The following RAP1GAP2 variants were observed in gnomAD, a reference collection of about 807,000 sequenced individuals.
RAP1GAP2 encodes RAP1 GTPase activating protein 2.
RAP1GAP2 carries 27 observed loss-of-function variants against 95.0 expected under a neutral mutation model. The ratio of observed to expected loss-of-function variants is 0.28; its 90% confidence interval spans 0.21 to 0.39. The LOEUF is 0.39. Among genes scored for constraint, RAP1GAP2 ranks in the 10% least tolerant of loss-of-function variants. RAP1GAP2 has a pLI of 1.00. For synonymous variants in RAP1GAP2, 373 were observed against 380.9 expected (o/e 0.98, Z 0.24); for missense variants, 771 against 970.0 (o/e 0.79, Z 2.72).
Position 3,027,470 on chromosome 17 carries a change from C to A in RAP1GAP2, c.2107+400C>A, listed in dbSNP as rs187615218. Among the ~76,000 whole-genome samples the A allele has an allele frequency of 6.6e-6, 1 of 152,014 alleles. No individual in the cohort carries two copies. The highest frequency in any genetic ancestry group is 2.4e-5 in the African/African-American group (1 of 41,458). ...TGTCGGGGGTCTTGATAATACAAGA[C>A]GGGGGAAGGGCTGCAGGGGGAGGGA... On this transcript the variant is annotated intron_variant, in intron 22 of 24. Transcript: ENST00000254695. The surrounding 1 kb of genome is among the most constrained non-coding windows in gnomAD (Gnocchi z 5.2).
In RAP1GAP2 at chr17:3,032,415, A is replaced by C. The variant is rs1297481886; in HGVS notation, c.2189A>C (p.His730Pro). The C allele has an allele frequency of 6.2e-7, 1 of 1,613,950 alleles. No individual in the cohort carries two copies. Among genetic ancestry groups the C allele is most frequent in the Admixed American group, 1.7e-5 (1 of 60,026 alleles). ...TATGGATTTTTGTTGAAACAGGGTCACTAATGTGAAAGTGGAGTCCTTCGC... is the reference window on the plus strand; with the variant it reads ...TATGGATTTTTGTTGAAACAGGGTCCCTAATGTGAAAGTGGAGTCCTTCGC... ...KLSHASSGAG[H>P] The change falls in exon 24 of 25, where the codon CAC becomes CCC. Residue 730 changes from histidine (H) to proline (P), a missense_variant. Transcript: ENST00000254695.
rs779031368 is a variant in RAP1GAP2 at position 2,963,336 on chromosome 17, C to G, written c.247-94C>G. On this transcript the variant is annotated intron_variant, in intron 5 of 24. Coordinates refer to ENST00000254695, the MANE Select transcript of RAP1GAP2 (RefSeq NM_015085.5). The surrounding 1 kb of genome is among the most constrained non-coding windows in gnomAD (Gnocchi z 4.8). ...GAATGTTCCTCCCTCAAAGCCCCCC[C>G]ACAACATATCCCCCTTGCAAGACCT... 1.0e-5 allele frequency: 15 copies of G among 1,434,400 alleles called. No individual in the cohort carries two copies. The highest frequency in any genetic ancestry group is 3.4e-5 in the South Asian group (3 of 87,122). 88.9% of individuals were successfully genotyped at this position (1,434,400 alleles called of 1,614,324 possible).
chr17:2,953,834 C>T (rs184970520), intron 3 of RAP1GAP2, among the ~76,000 whole-genome samples: 4 of 152,020 alleles, frequency 2.6e-5, no homozygotes, highest in East Asian at 3.9e-4. Flanking sequence ...GTGAAAAGAG[C>T]GAAACTCCAT....
chr17:2,858,393 G>A (rs373325913), intron 2 of RAP1GAP2, among the ~76,000 whole-genome samples: 3 of 151,972 alleles, frequency 2.0e-5, no homozygotes, highest in Non-Finnish European at 2.9e-5. Flanking sequence ...AAAGCCTATC[G>A]CAATTCTTGT....
At chr17:2,830,699 A>T (rs2070791729) in intron 2 of RAP1GAP2, among the ~76,000 whole-genome samples, 1 of 152,088 alleles carries the variant, frequency 6.6e-6, no homozygotes, top group Non-Finnish European at 1.5e-5. Flanking sequence ...GGGCGACAGA[A>T]TGAGACTCTG....
rs573000970 is a variant in RAP1GAP2, at chr17:3,027,622, C to G, written c.2107+552C>G. ...GAGCGTTGACAGGCTGGGTCAGCCC[C>G]GGGCCCCGGGTGAGGATTTTGTTCT... On this transcript the variant is annotated intron_variant, in intron 22 of 24. Transcript: ENST00000254695. This position sits in a 1 kb window ranked among gnomAD's most constrained non-coding sequence, Gnocchi z 5.2. Among the ~76,000 whole-genome samples the G allele has an allele frequency of 2.0e-5, 3 of 152,070 alleles. No individual in the cohort carries two copies. The highest frequency in any genetic ancestry group is 4.4e-5 in the Non-Finnish European group (3 of 68,018).
intron 22 of RAP1GAP2, among the ~76,000 whole-genome samples, chr17:3,030,510 G>A (rs191923400): frequency 1.7e-3 from 257 of 152,264 alleles, no homozygotes; most frequent in Non-Finnish European, 3.2e-3. Flanking sequence ...AGCTACTGAC[G>A]TGATGTCCTC....
chr17:2,982,980 C>T (rs2045423134), intron 10 of RAP1GAP2, among the ~76,000 whole-genome samples: 1 of 152,232 alleles, frequency 6.6e-6, no homozygotes, highest in African/African-American at 2.4e-5. Context: ...TGGTGCCTCT[C>T]CCTGGCAGGG....
chr17:2,981,203 T>C lies in RAP1GAP2; in HGVS notation c.684T>C (p.Cys228=), dbSNP rs2045344685. Residue 228 remains cysteine, a synonymous_variant, in exon 10 of 25, where the codon TGT becomes TGC. Transcript: ENST00000254695. ...TTCTTCTCCCTTCTCAGGCTTTCTG[T>C]GATGATGCAGTGGGACTGAGATTCA... The part of the protein sequence containing the change: ...PSVPQIAKAF[C]DDAVGLRFNP... 6.2e-7 allele frequency: 1 copy of C among 1,612,556 alleles called. No individual in the cohort carries two copies. Among genetic ancestry groups the C allele is most frequent in the Admixed American group, 1.7e-5 (1 of 59,866 alleles).
chr17:2,804,628 T>C (rs1197035336), intron 2 of RAP1GAP2, among the ~76,000 whole-genome samples: 1 of 152,240 alleles, frequency 6.6e-6, no homozygotes, highest in Admixed American at 6.5e-5. Flanking sequence ...CGCCCCTGGT[T>C]TGCTGGGGCC....
chr17:2,838,164 G>A (rs927273962), intron 2 of RAP1GAP2, among the ~76,000 whole-genome samples: 5 of 151,586 alleles, frequency 3.3e-5, no homozygotes, highest in African/African-American at 9.7e-5. Context: ...GATTACAGGC[G>A]CCCACCACTG....
intron 23 of RAP1GAP2, among the ~76,000 whole-genome samples, chr17:3,032,033 G>A (rs966375599): frequency 5.4e-5 from 8 of 147,918 alleles, no homozygotes; most frequent in African/African-American, 1.7e-4. Flanking sequence ...CAGTTGTGAG[G>A]TGGGAAGGGC....
intron 1 of RAP1GAP2, among the ~76,000 whole-genome samples, chr17:2,785,465 T>TA (rs981970966): frequency 5.3e-5 from 8 of 151,630 alleles, no homozygotes; most frequent in African/African-American, 1.5e-4. Flanking sequence ...CCCTAGGAGT[T>TA]AAAAAAAGTG....
intron 8 of RAP1GAP2, among the ~76,000 whole-genome samples, chr17:2,979,355 G>A (rs1391624909): frequency 2.6e-5 from 4 of 151,658 alleles, no homozygotes; most frequent in African/African-American, 7.3e-5. Context: ...GCTGTGCTCA[G>A]TTCTTTGGGA....
At position 3,036,732 on chromosome 17, in the gene RAP1GAP2, C is replaced by T. The variant is rs1317270190; in HGVS notation, c.*3371C>T. 1 of 152,544 alleles carries T rather than the reference C, an allele frequency of 6.6e-6. No homozygotes were observed. Among genetic ancestry groups the T allele is most frequent in the Admixed American group, 6.5e-5 (1 of 15,268 alleles). The allele number at this position is 152,544 out of a possible 1,614,324, so 9.4% of individuals were successfully genotyped here. A position where few individuals can be genotyped will look rare whatever the true frequency, so the allele number is the denominator to read the frequency against. On this transcript the variant is annotated 3_prime_UTR_variant, in exon 25 of 25. Coordinates refer to ENST00000254695, the MANE Select transcript of RAP1GAP2 (RefSeq NM_015085.5). The stretch of plus-strand genomic sequence containing the variant: ...TTCCTAAATTAAGAGGAAAAGTGGT[C>T]AAAGAAAAACTCTTCATTTCTCCCT...
intron 2 of RAP1GAP2, among the ~76,000 whole-genome samples, chr17:2,883,040 G>C (rs904535131): frequency 6.6e-6 from 1 of 152,244 alleles, no homozygotes; most frequent in Admixed American, 6.5e-5. Context: ...CCCCTCTTCT[G>C]AGGGAGGCTG....
At chr17:3,011,671 G>A (rs186760518) in intron 17 of RAP1GAP2, among the ~76,000 whole-genome samples, 9 of 146,564 alleles carry the variant, frequency 6.1e-5, no homozygotes, top group Non-Finnish European at 1.2e-4. Flanking sequence ...TCAGGCTGGA[G>A]TGCAGTGGTG....
intron 3 of RAP1GAP2, among the ~76,000 whole-genome samples, chr17:2,934,752 C>T (rs956938119): frequency 7.2e-5 from 11 of 152,138 alleles, no homozygotes; most frequent in African/African-American, 2.2e-4. Context: ...GCTTTCTTAG[C>T]GGAGAACAAA....
intron 2 of RAP1GAP2, 145 bp downstream of exon 2, chr17:2,800,695 G>A (rs536145068): frequency 4.1e-5 from 36 of 871,022 alleles, no homozygotes; most frequent in East Asian, 3.7e-4. Context: ...CTTCCAGATC[G>A]GAGGAGGCTG....
Sources: gnomAD v4.1 joint callset for allele counts (sites outside exome capture counted in the v4.1 genomes callset) on GRCh38, gnomAD v4.1.1 for gene constraint, Gnocchi (gnomAD v3.1) non-coding constraint, MANE v1.5 for transcripts, NCBI Gene and HGNC (gene_info 2026-07-23, HGNC 2026-07-21) for gene names.